MCF2L: variants seen among roughly 807,000 people sequenced by gnomAD.
MCF2L encodes MCF.2 cell line derived transforming sequence like, also known as guanine nucleotide exchange factor DBS.
MCF2L carries 97 observed loss-of-function variants against 153.4 expected under a neutral mutation model. That is an observed-to-expected ratio of 0.63 (90% CI 0.54 to 0.75). The LOEUF is 0.75. Among genes scored for constraint, MCF2L ranks in the 30% least tolerant of loss-of-function variants. The probability of loss-of-function intolerance (pLI) is 0.00; values close to 1 mark genes in which losing one functional copy is unlikely to be tolerated. For synonymous variants in MCF2L, 659 were observed against 632.2 expected (o/e 1.04, Z -0.64); for missense variants, 1,347 against 1,495.2 (o/e 0.90, Z 1.64).
chr13:113,014,107 C>G (rs536869682), intron 1 of MCF2L, among the ~76,000 whole-genome samples: 2 of 152,242 alleles, frequency 1.3e-5, no homozygotes, highest in Non-Finnish European at 2.9e-5. Flanking sequence ...ATGCTCCCCC[C>G]GTGCTCCCAG....
chr13:113,078,256 A>T (rs1490488788), intron 13 of MCF2L, 107 bp from the exon 14 acceptor site: 1 of 894,050 alleles, frequency 1.1e-6, no homozygotes, highest in African/African-American at 1.7e-5. Flanking sequence ...CTGTGGCCTC[A>T]GAGGCCGAGT....
chr13:113,076,199 G>T, intron 12 of MCF2L, 42 bp downstream of exon 12: 1 of 1,430,912 alleles, frequency 7.0e-7, no homozygotes, highest in South Asian at 1.3e-5. Context: ...TTGCTGTCCC[G>T]AGCAGTGAGG....
chr13:113,096,563 C>G lies in MCF2L; in HGVS notation c.3202C>G (p.Pro1068Ala). ...CGCCCCTTGCAGGTACGTCAGGGAC[C>G]CGACCACTGGCAAGGAGGGCTGGGT... ...GDEGLWYVRD[P>A]TTGKEGWVPA... Residue 1068 changes from proline (P) to alanine (A), a missense_variant, in exon 29 of 30, where the codon CCG (proline) becomes GCG (alanine). Transcript: ENST00000535094. 1.9e-6 allele frequency: 3 copies of G among 1,604,862 alleles called. No individual in the cohort carries two copies. Among genetic ancestry groups the G allele is most frequent in the Non-Finnish European group, 2.5e-6 (3 of 1,178,102 alleles).
chr13:112,941,997 A>G lies in MCF2L; in HGVS notation c.169+39626A>G, dbSNP rs904751980. Among the ~76,000 whole-genome samples, 34 of 152,212 alleles carry G rather than the reference A, an allele frequency of 2.2e-4. No individual in the cohort carries two copies. The highest frequency in any genetic ancestry group is 7.2e-4 in the African/African-American group (30 of 41,466). On this transcript the variant is annotated intron_variant, in intron 2 of 29. Coordinates refer to the MCF2L transcript ENST00000375608. This position sits in a 1 kb window ranked among gnomAD's most constrained non-coding sequence, Gnocchi z 4.9. ...GAAGACGCCCGTTGCCAAGCGGACCATGGTCTAGCGGTAGCGTCAGTGTCA... is the reference window on the plus strand; with the variant it reads ...GAAGACGCCCGTTGCCAAGCGGACCGTGGTCTAGCGGTAGCGTCAGTGTCA...
chr13:112,914,923 G>A (rs977330675), intron 2 of MCF2L, among the ~76,000 whole-genome samples: 10 of 151,748 alleles, frequency 6.6e-5, no homozygotes, highest in Admixed American at 2.6e-4. Flanking sequence ...TCAGTATTTG[G>A]GGGCTTCTGG....
At position 113,070,263 on chromosome 13, in the gene MCF2L, C is replaced by A; in HGVS notation, c.996+90C>A. On this transcript the variant is annotated intron_variant, in intron 9 of 29. Transcript: ENST00000535094. This position sits in a 1 kb window ranked among gnomAD's most constrained non-coding sequence, Gnocchi z 5.6. ...CTGGTCCCAGTGCCGGGAGCTGAGCCGTGCCACCCAGTTGACTTTGGCTTA... is the reference window on the plus strand; with the variant it reads ...CTGGTCCCAGTGCCGGGAGCTGAGCAGTGCCACCCAGTTGACTTTGGCTTA... The A allele has an allele frequency of 2.4e-6, 2 of 818,582 alleles. No individual in the cohort carries two copies. The highest frequency in any genetic ancestry group is 3.2e-5 in the East Asian group (1 of 30,788). The allele number at this position is 818,582 out of a possible 1,614,324, so 50.7% of individuals were successfully genotyped here. A position where few individuals can be genotyped will look rare whatever the true frequency, so the allele number is the denominator to read the frequency against.
chr13:112,900,087 T>C (rs984768350), intron 1 of MCF2L, among the ~76,000 whole-genome samples: 2 of 151,972 alleles, frequency 1.3e-5, no homozygotes, highest in African/African-American at 4.8e-5. Context: ...CTTTTGGAGG[T>C]TTCAGATCAC....
At chr13:112,968,264 GTTTCT>G (rs1259501054), upstream of MCF2L, among the ~76,000 whole-genome samples, 1 of 151,936 alleles carries the variant, frequency 6.6e-6, no homozygotes, top group Non-Finnish European at 1.5e-5. Flanking sequence ...CTGAAATACT[GTTTCT>G]TTAAGGAAGG....
chr13:113,078,507 T>C, intron 14 of MCF2L, 71 bp downstream of exon 14: 1 of 1,449,150 alleles, frequency 6.9e-7, no homozygotes, highest in East Asian at 2.4e-5. Flanking sequence ...TGGTTCTCCG[T>C]GTGGCCCCCC....
chr13:113,095,586 C>T, intron 27 of MCF2L: 1 of 996,822 alleles, frequency 1.0e-6, no homozygotes, highest in Non-Finnish European at 1.2e-6. Context: ...GCAGGCAGCC[C>T]AGTCACCGTC....
intron 27 of MCF2L, chr13:113,095,940 T>A: frequency 2.1e-6 from 1 of 486,324 alleles, no homozygotes; most frequent in Non-Finnish European, 2.9e-6. Context: ...GAAAGAGGAG[T>A]GAGGCTTGGG....
intron 13 of MCF2L, among the ~76,000 whole-genome samples, chr13:113,077,960 C>T (rs564206834): frequency 1.1e-4 from 16 of 152,322 alleles, no homozygotes; most frequent in African/African-American, 2.6e-4. Context: ...TCTCCCAGGT[C>T]GGAGCCCACA....
intron 27 of MCF2L, chr13:113,095,603 C>A: frequency 1.0e-6 from 1 of 995,832 alleles, no homozygotes; most frequent in Non-Finnish European, 1.2e-6. Context: ...CGTCCTCTTG[C>A]TCCAGGCCAT....
intron 2 of MCF2L, among the ~76,000 whole-genome samples, chr13:112,911,815 G>A (rs1453592995): frequency 6.6e-6 from 1 of 152,180 alleles, no homozygotes; most frequent in African/African-American, 2.4e-5. Flanking sequence ...GTGATCTTTG[G>A]TTACTGGGTT....
chr13:113,022,639 G>C (rs942513038), intron 2 of MCF2L, among the ~76,000 whole-genome samples: 1 of 152,242 alleles, frequency 6.6e-6, no homozygotes, highest in Non-Finnish European at 1.5e-5. Flanking sequence ...CGCTTGCCTC[G>C]GCTTGTCCCG....
intron 1 of MCF2L, among the ~76,000 whole-genome samples, chr13:112,990,483 G>A (rs938817251): frequency 3.3e-5 from 5 of 152,180 alleles, no homozygotes; most frequent in African/African-American, 7.2e-5. Flanking sequence ...CCCGGTGGCC[G>A]AGGCGGGGAG....
intron 2 of MCF2L, among the ~76,000 whole-genome samples, chr13:112,908,719 T>A (rs574744717): frequency 1.6e-5 from 1 of 61,266 alleles, no homozygotes. Flanking sequence ...CTCATGTTTT[T>A]TGTTTTGTTT....
intron 1 of MCF2L, among the ~76,000 whole-genome samples, chr13:112,895,972 G>C (rs953555377): frequency 6.6e-6 from 1 of 152,226 alleles, no homozygotes; most frequent in Admixed American, 6.5e-5. Context: ...AATGAGGGGG[G>C]CCCCTCCCCT....
chr13:112,920,445 G>A (rs2081340781), intron 2 of MCF2L, among the ~76,000 whole-genome samples: 1 of 152,116 alleles, frequency 6.6e-6, no homozygotes, highest in Non-Finnish European at 1.5e-5. Flanking sequence ...TACCTGTTGA[G>A]CTGAGCTGAG....
Sources: gnomAD v4.1 joint callset for allele counts (sites outside exome capture counted in the v4.1 genomes callset) on GRCh38, gnomAD v4.1.1 for gene constraint, Gnocchi (gnomAD v3.1) non-coding constraint, MANE v1.5 for transcripts, NCBI Gene and HGNC (gene_info 2026-07-23, HGNC 2026-07-21) for gene names.